The following KSR2 variants were observed in gnomAD, a reference collection of about 807,000 sequenced individuals.
KSR2 encodes the protein kinase suppressor of ras 2.
A neutral mutation model predicts 107.8 loss-of-function variants in KSR2; 25 were observed. That is an observed-to-expected ratio of 0.23 (90% CI 0.17 to 0.32). KSR2 has a LOEUF of 0.32. KSR2 is among the 10% of genes least tolerant of loss of function. The pLI is 1.00. For missense variants in KSR2, 887 were observed against 1,268.9 expected (o/e 0.70, Z 4.57); for synonymous variants, 480 against 507.0 (o/e 0.95, Z 0.71).
At chr12:117,774,198 G>A (rs903252455) in intron 3 of KSR2, among the ~76,000 whole-genome samples, 2 of 152,132 alleles carry the variant, frequency 1.3e-5, no homozygotes, top group African/African-American at 2.4e-5. Flanking sequence ...CTGACCTCCC[G>A]AAAGTCAAAT....
At chr12:117,780,386 T>C (rs1024026919) in intron 3 of KSR2, among the ~76,000 whole-genome samples, 1 of 152,208 alleles carries the variant, frequency 6.6e-6, no homozygotes, top group African/African-American at 2.4e-5. Flanking sequence ...CCTTAAAAAG[T>C]AAGGAAGTTC....
intron 5 of KSR2, among the ~76,000 whole-genome samples, chr12:117,665,967 T>C (rs963126835): frequency 3.3e-5 from 5 of 152,230 alleles, no homozygotes; most frequent in African/African-American, 1.2e-4. Context: ...AGCCAGTCTC[T>C]TTGACTACCA....
rs546219715 is a variant in KSR2, at chr12:117,793,124, GCA to G, written c.473-31602_473-31601del. On this transcript the variant is annotated intron_variant, in intron 3 of 19. Coordinates refer to ENST00000339824, the MANE Select transcript of KSR2 (RefSeq NM_173598.6). ...CTCACACCAACGTGCACACAAACAT[GCA>G]CACACACACTAACATGCATATACCA... Among the ~76,000 whole-genome samples, 788 of 94,862 alleles carry G rather than the reference GCA, an allele frequency of 8.3e-3. 14 individuals carry two copies. The highest frequency in any genetic ancestry group is 0.029 in the African/African-American group (635 of 22,098). 62.2% of individuals were successfully genotyped at this position (94,862 alleles called of 152,430 possible).
At chr12:117,926,647 C>T (rs182754917) in intron 1 of KSR2, among the ~76,000 whole-genome samples, 1 of 152,226 alleles carries the variant, frequency 6.6e-6, no homozygotes, top group African/African-American at 2.4e-5. Context: ...AATCACCCAG[C>T]AGCCACCAGC....
At chr12:117,727,323 C>T (rs1049848587) in intron 4 of KSR2, among the ~76,000 whole-genome samples, 2 of 151,764 alleles carry the variant, frequency 1.3e-5, no homozygotes, top group African/African-American at 2.4e-5. Flanking sequence ...TGCAGTGAGA[C>T]GTGAGTGCAC....
intron 1 of KSR2, among the ~76,000 whole-genome samples, chr12:117,882,983 C>T (rs778985129): frequency 6.6e-6 from 1 of 152,020 alleles, no homozygotes; most frequent in Non-Finnish European, 1.5e-5. Context: ...AGCAACCATC[C>T]ATTCAATCCA....
intron 4 of KSR2, among the ~76,000 whole-genome samples, chr12:117,681,454 G>A (rs998293924): frequency 3.3e-5 from 5 of 152,134 alleles, no homozygotes; most frequent in Admixed American, 1.3e-4. Flanking sequence ...CTGAGGCAGG[G>A]GGAATGTCGC....
chr12:117,549,645 G>T (rs1877145852), intron 9 of KSR2, among the ~76,000 whole-genome samples: 1 of 152,128 alleles, frequency 6.6e-6, no homozygotes, highest in Non-Finnish European at 1.5e-5. Flanking sequence ...AAAGAGGAAG[G>T]GTTGTATGGA....
intron 4 of KSR2, among the ~76,000 whole-genome samples, chr12:117,740,943 C>A (rs1361692749): frequency 6.6e-6 from 1 of 152,088 alleles, no homozygotes; most frequent in East Asian, 1.9e-4. Context: ...TTGGGGGAAT[C>A]CCCCATCTCA....
chr12:117,647,968 C>T (rs1434190324), intron 5 of KSR2, among the ~76,000 whole-genome samples: 2 of 152,062 alleles, frequency 1.3e-5, no homozygotes, highest in African/African-American at 4.8e-5. Flanking sequence ...TTTGGCCTCC[C>T]GAAGTGCTGA....
At chr12:117,945,967 CA>C (rs1896167890) in intron 1 of KSR2, among the ~76,000 whole-genome samples, 1 of 151,744 alleles carries the variant, frequency 6.6e-6, no homozygotes, top group Non-Finnish European at 1.5e-5. Flanking sequence ...CAAAAGACTT[CA>C]AAAGAAAACA....
intron 6 of KSR2, among the ~76,000 whole-genome samples, chr12:117,580,463 G>A (rs1009299114): frequency 6.6e-6 from 1 of 152,194 alleles, no homozygotes; most frequent in Admixed American, 6.5e-5. Context: ...TAAGCAGTGG[G>A]TGACAGTTTT....
Position 117,596,765 on chromosome 12 carries a change from C to G in KSR2, c.1172-14406G>C, listed in dbSNP as rs1302180433. The stretch of plus-strand genomic sequence containing the variant: ...CTAAGAAACAATACTTTAAAGACCA[C>G]ATCATTAAAATCTCCTAGTAGGCAT... On this transcript the variant is annotated intron_variant, in intron 5 of 19. Coordinates refer to ENST00000339824, the MANE Select transcript of KSR2 (RefSeq NM_173598.6). Among the ~76,000 whole-genome samples, 4 of 152,172 alleles carry G rather than the reference C, an allele frequency of 2.6e-5. No homozygotes were observed. In the East Asian group the frequency reaches 7.7e-4, roughly 29 times the overall value.
At chr12:117,586,148 AGGCTCTGACCT>A (rs1879975430) in intron 5 of KSR2, among the ~76,000 whole-genome samples, 2 of 152,354 alleles carry the variant, frequency 1.3e-5, no homozygotes, top group African/African-American at 4.8e-5. Flanking sequence ...ATGAAAAATC[AGGCTCTGACCT>A]GGTGAATTTG....
intron 3 of KSR2, 55 bp downstream of exon 3, chr12:117,855,373 G>A (rs1181208138): frequency 2.5e-5 from 40 of 1,599,962 alleles, no homozygotes; most frequent in Non-Finnish European, 3.2e-5. Context: ...CCGAGGGACC[G>A]CGGCAGCTGT....
intron 7 of KSR2, among the ~76,000 whole-genome samples, chr12:117,559,848 G>T (rs1173112859): frequency 6.6e-6 from 1 of 152,198 alleles, no homozygotes; most frequent in African/African-American, 2.4e-5. Context: ...GATGCCGTAA[G>T]TGCCCCATTC....
chr12:117,592,899 T>A (rs1030422796), intron 5 of KSR2, among the ~76,000 whole-genome samples: 1 of 152,174 alleles, frequency 6.6e-6, no homozygotes, highest in African/African-American at 2.4e-5. Flanking sequence ...GGGAGTGTCA[T>A]TAATTATCAA....
chr12:117,818,487 C>T (rs765456376), intron 3 of KSR2, among the ~76,000 whole-genome samples: 56 of 152,266 alleles, frequency 3.7e-4, no homozygotes, highest in East Asian at 7.7e-4. Context: ...GAGACACAAA[C>T]GACTCACAGC....
At chr12:117,577,478 C>T (rs773991096) in intron 7 of KSR2, among the ~76,000 whole-genome samples, 5 of 152,196 alleles carry the variant, frequency 3.3e-5, no homozygotes, top group Admixed American at 1.3e-4. Flanking sequence ...CAAATGCTCA[C>T]TGCCACCCAA....
Sources: allele counts gnomAD v4.1 joint callset (sites outside exome capture counted in the v4.1 genomes callset), GRCh38; gene constraint gnomAD v4.1.1; transcripts MANE v1.5; gene names NCBI Gene and HGNC (gene_info 2026-07-23, HGNC 2026-07-21).